Variants in ANGPTL4 observed in about 807,000 individuals in gnomAD.
ANGPTL4 encodes the protein angiopoietin like 4.
In ANGPTL4, 39 loss-of-function variants were observed where a neutral mutation model predicts 39.2. The observed-to-expected ratio is 1.00, with a 90% CI of 0.77 to 1.30. The LOEUF (loss-of-function observed/expected upper bound fraction) is 1.30, where lower values mean the gene tolerates loss of function less well. Among genes scored for constraint, ANGPTL4 ranks in the 50% most tolerant of loss-of-function variants. ANGPTL4 has a pLI of 0.00. For synonymous variants in ANGPTL4, 233 were observed against 229.5 expected (o/e 1.02, Z -0.14); for missense variants, 545 against 549.8 (o/e 0.99, Z 0.09).
chr19:8,369,144 C>A, intron 3 of ANGPTL4, 75 bp from the exon 4 acceptor site: 1 of 1,192,886 alleles, frequency 8.4e-7, no homozygotes, highest in Non-Finnish European at 1.2e-6. Context: ...GTTAAGCCCC[C>A]AGATATGCCT....
At chr19:8,373,339 A>C (rs556732933) in intron 6 of ANGPTL4, among the ~76,000 whole-genome samples, 11 of 151,562 alleles carry the variant, frequency 7.3e-5, no homozygotes, top group Admixed American at 5.9e-4. Flanking sequence ...TGGGAGGCAG[A>C]GGTGCAGTGA....
chr19:8,368,651 G>A (rs991325036), intron 3 of ANGPTL4, among the ~76,000 whole-genome samples: 6 of 152,144 alleles, frequency 3.9e-5, no homozygotes, highest in African/African-American at 1.4e-4. Context: ...GAGGTCAGGA[G>A]ATCGAGACCA....
At chr19:8,370,417 T>TA (rs58110091) in intron 4 of ANGPTL4, among the ~76,000 whole-genome samples, 3,913 of 149,648 alleles carry the variant, frequency 0.026, 125 homozygotes, top group African/African-American at 0.079. Flanking sequence ...ACCTCGTTTC[T>TA]AAAAAAAAAC....
chr19:8,366,220 A>T lies in ANGPTL4; in HGVS notation c.448A>T (p.Lys150Ter). ...ATCCTAGTTTGGCCTCCTGGACCACAAGCACCTAGACCATGAGGTGGCCAA... is the reference window on the plus strand; with the variant it reads ...ATCCTAGTTTGGCCTCCTGGACCACTAGCACCTAGACCATGAGGTGGCCAA... ...LQSQFGLLDH[K>*]HLDHEVAKPA... The change falls in exon 3 of 7, where the codon AAG becomes TAG. Residue 150 changes from lysine to a stop codon, truncating the protein, a stop_gained. Transcript: ENST00000301455. LOFTEE classifies it high-confidence loss of function. 6.2e-7 allele frequency: 1 copy of T among 1,614,070 alleles called. No homozygotes were observed. The highest frequency in any genetic ancestry group is 1.1e-5 in the South Asian group (1 of 91,070).
chr19:8,369,111 T>A, intron 3 of ANGPTL4, 108 bp from the exon 4 acceptor site: 1 of 828,824 alleles, frequency 1.2e-6, no homozygotes, highest in African/African-American at 1.7e-5. Flanking sequence ...AAGATTTGCC[T>A]TTTACTTCCC....
At chr19:8,373,642 T>C in intron 6 of ANGPTL4, 63 bp from the exon 7 acceptor site, 1 of 1,610,092 alleles carries the variant, frequency 6.2e-7, no homozygotes. Flanking sequence ...TATCCCTATC[T>C]CCTTTCAGCC....
Position 8,374,169 on chromosome 19 carries a change from G to C in ANGPTL4, c.*283G>C, listed in dbSNP as rs981375591. 1 of 441,648 alleles carries C rather than the reference G, an allele frequency of 2.3e-6. No homozygotes were observed. The highest frequency in any genetic ancestry group is 2.0e-5 in the African/African-American group (1 of 50,072). 27.4% of individuals were successfully genotyped at this position (441,648 alleles called of 1,614,324 possible). On this transcript the variant is annotated 3_prime_UTR_variant, in exon 7 of 7. Coordinates refer to ENST00000301455, the MANE Select transcript of ANGPTL4 (RefSeq NM_139314.3). ...TGCTGGCCAGGGAGTTGGGGACTCA[G>C]AGGGACCACTTGGGGCCAGCCAGAC... is the stretch of plus-strand genomic sequence containing the variant.
intron 4 of ANGPTL4, among the ~76,000 whole-genome samples, chr19:8,369,796 A>G (rs1308848078): frequency 6.6e-6 from 1 of 152,032 alleles, no homozygotes; most frequent in Non-Finnish European, 1.5e-5. Flanking sequence ...GTAGTGGCTC[A>G]TATCTGTAAT....
In ANGPTL4 at chr19:8,371,554, A is replaced by G. The variant is rs117456113; in HGVS notation, c.1039+32A>G. On this transcript the variant is annotated intron_variant, in intron 6 of 6. Transcript: ENST00000301455. This position sits in a 1 kb window ranked among gnomAD's most constrained non-coding sequence, Gnocchi z 5.1. ...AGGCCCTGCCATGCCACACCCAGCC[A>G]GCAGCTTCCCTCCTTATCTTTCTGC... 3,235 of 1,612,396 alleles carry G rather than the reference A, an allele frequency of 2.0e-3. 6 individuals carry two copies. The highest frequency in any genetic ancestry group is 5.6e-3 in the Admixed American group (334 of 60,006).
At chr19:8,370,256 C>T (rs1203050742) in intron 4 of ANGPTL4, among the ~76,000 whole-genome samples, 3 of 151,684 alleles carry the variant, frequency 2.0e-5, no homozygotes, top group Non-Finnish European at 4.4e-5. Context: ...AAAATTCAGC[C>T]CTTGCTGGGC....
intron 3 of ANGPTL4, among the ~76,000 whole-genome samples, chr19:8,367,921 C>T (rs770612433): frequency 6.6e-6 from 1 of 152,212 alleles, no homozygotes; most frequent in Non-Finnish European, 1.5e-5. Flanking sequence ...ACCTCTGCCT[C>T]CCACTGGGTT....
At position 8,364,393 on chromosome 19, in the gene ANGPTL4, G is replaced by C; in HGVS notation, c.72G>C (p.Gln24His). 1 of 1,546,384 alleles carries C rather than the reference G, an allele frequency of 6.5e-7. No homozygotes were observed. The highest frequency in any genetic ancestry group is 8.7e-7 in the Non-Finnish European group (1 of 1,149,414). Residue 24 changes from glutamine to histidine, a missense_variant, in exon 1 of 7, where the codon CAG becomes CAC. Gln to His is a conservative substitution (Grantham distance 24, BLOSUM62 0). Coordinates refer to ENST00000301455, the MANE Select transcript of ANGPTL4 (RefSeq NM_139314.3). ...CAATAVLLSA[Q>H]GGPVQSKSPR... Reference sequence around the variant, plus strand: ...CCACCGCCGTGCTACTGAGCGCTCAGGGCGGACCCGTGCAGTCCAAGTCGC... The same window carrying C: ...CCACCGCCGTGCTACTGAGCGCTCACGGCGGACCCGTGCAGTCCAAGTCGC...
rs1568214865 is a variant in ANGPTL4, at chr19:8,365,956, A to G, written c.321A>G (p.Thr107=). 2.5e-6 allele frequency: 4 copies of G among 1,613,986 alleles called. No homozygotes were observed. The highest frequency in any genetic ancestry group is 3.4e-6 in the Non-Finnish European group (4 of 1,179,976). Residue 107 remains threonine (T), a splice_region_variant and synonymous_variant, in exon 2 of 7, where the codon ACA becomes ACG. Transcript: ENST00000301455. ...CCAAGGTTTTCACCCCTCCCCAGAC[A>G]CAACTCAAGGCTCAGAACAGCAGGA... ...VDPEVLHSLQ[T]QLKAQNSRIQ...
Position 8,364,614 on chromosome 19 carries a change from A to G in ANGPTL4, c.293A>G (p.Asp98Gly). ...CCGTTAGCCCCTGAGAGCCGGGTGG[A>G]CCCTGAGGTCCTTCACAGCCTGCAG... ...DLPLAPESRV[D>G]PEVLHSLQTQ... The change falls in exon 1 of 7, where the codon GAC (aspartate) becomes GGC (glycine). Residue 98 changes from aspartate (D) to glycine (G), a missense_variant. Physicochemically the swap from Asp to Gly is moderately conservative, Grantham distance 94. Transcript: ENST00000301455. 2 of 1,591,788 alleles carry G rather than the reference A, an allele frequency of 1.3e-6. No homozygotes were observed. The highest frequency in any genetic ancestry group is 8.5e-7 in the Non-Finnish European group (1 of 1,170,250).
Position 8,364,441 on chromosome 19 carries a change from G to T in ANGPTL4, c.120G>T (p.Glu40Asp). ...CGCCGCGCTTTGCGTCCTGGGACGAGATGAATGTCCTGGCGCACGGACTCC... is the reference window on the plus strand; with the variant it reads ...CGCCGCGCTTTGCGTCCTGGGACGATATGAATGTCCTGGCGCACGGACTCC... ...SKSPRFASWD[E>D]MNVLAHGLLQ... The change falls in exon 1 of 7, where the codon GAG (glutamate) becomes GAT (aspartate). Residue 40 changes from glutamate to aspartate, a missense_variant. Coordinates refer to ENST00000301455, the MANE Select transcript of ANGPTL4 (RefSeq NM_139314.3). The T allele has an allele frequency of 6.4e-7, 1 of 1,555,952 alleles. No individual in the cohort carries two copies. The highest frequency in any genetic ancestry group is 2.4e-5 in the East Asian group (1 of 41,984).
chr19:8,366,322 G>C lies in ANGPTL4; in HGVS notation c.547+3G>C. The stretch of plus-strand genomic sequence containing the variant: ...TCACAATGTCAGCCGCCTGCACCGT[G>C]AGTGTCTGCCCCTCGATGCTCTCCG... On this transcript the variant is annotated splice_donor_region_variant and intron_variant, in intron 3 of 6. Transcript: ENST00000301455. 6.2e-7 allele frequency: 1 copy of C among 1,613,234 alleles called. No homozygotes were observed. Among genetic ancestry groups the C allele is most frequent in the Non-Finnish European group, 8.5e-7 (1 of 1,179,896 alleles).
Position 8,371,485 on chromosome 19 carries a change from C to T in ANGPTL4, c.1002C>T (p.Asp334=), listed in dbSNP as rs1196074232. ...TCTCCACTTGGGACCAGGATCACGA[C>T]CTCCGCAGGGACAAGAACTGCGCCA... ...VPFSTWDQDH[D]LRRDKNCAKS... is the part of the protein sequence containing the mutation. Residue 334 remains aspartate (D), a synonymous_variant, in exon 6 of 7, where the codon GAC becomes GAT. Coordinates refer to ENST00000301455, the MANE Select transcript of ANGPTL4 (RefSeq NM_139314.3). The surrounding 1 kb of genome is among the most constrained non-coding windows in gnomAD (Gnocchi z 5.1). The T allele has an allele frequency of 1.2e-6, 2 of 1,613,210 alleles. No individual in the cohort carries two copies. The highest frequency in any genetic ancestry group is 1.7e-6 in the Non-Finnish European group (2 of 1,180,036).
chr19:8,369,497 G>C (rs1971073276), intron 4 of ANGPTL4, among the ~76,000 whole-genome samples, 165 bp downstream of exon 4: 1 of 141,616 alleles, frequency 7.1e-6, no homozygotes, highest in Non-Finnish European at 1.5e-5. Context: ...TTTGCTCTTG[G>C]AGCTGGAGTG....
chr19:8,366,126 G>A, intron 2 of ANGPTL4, 62 bp downstream of exon 2: 2 of 1,607,390 alleles, frequency 1.2e-6, no homozygotes, highest in East Asian at 2.2e-5. Flanking sequence ...TTGAGAGGGA[G>A]GTGGTGAGAA....
Sources: gnomAD v4.1 joint callset for allele counts (sites outside exome capture counted in the v4.1 genomes callset) on GRCh38, gnomAD v4.1.1 for gene constraint, Gnocchi (gnomAD v3.1) non-coding constraint, MANE v1.5 for transcripts, NCBI Gene and HGNC (gene_info 2026-07-23, HGNC 2026-07-21) for gene names.